Variants in RTN4RL2 observed in about 807,000 individuals in gnomAD.
The protein encoded by RTN4RL2 is reticulon 4 receptor like 2.
A neutral mutation model predicts 27.8 loss-of-function variants in RTN4RL2; 9 were observed. The observed-to-expected ratio is 0.32, with a 90% CI of 0.20 to 0.57. RTN4RL2 has a LOEUF of 0.57. Among genes scored for constraint, RTN4RL2 ranks in the 20% least tolerant of loss-of-function variants. The pLI is 0.90. For synonymous variants in RTN4RL2, 285 were observed against 297.9 expected (o/e 0.96, Z 0.45); for missense variants, 436 against 596.8 (o/e 0.73, Z 2.81).
Position 57,476,857 on chromosome 11 carries a change from C to G in RTN4RL2, c.1209C>G (p.Ala403=). 5.1e-6 allele frequency: 8 copies of G among 1,574,630 alleles called. No homozygotes were observed. Among genetic ancestry groups the G allele is most frequent in the Non-Finnish European group, 6.9e-6 (8 of 1,166,470 alleles). The part of the protein sequence containing the change: ...PPDSRGPALS[A]GLPSPLLCLL... ...ACTCCCGAGGCCCTGCGCTCTCGGC[C>G]GGGCTCCCCAGCCCTCTGCTTTGCC... Residue 403 remains alanine, a synonymous_variant, in exon 3 of 3, where the codon GCC becomes GCG. Transcript: ENST00000335099. This position sits in a 1 kb window ranked among gnomAD's most constrained non-coding sequence, Gnocchi z 8.2.
At chr11:57,470,346 C>T (rs1347609627) in intron 2 of RTN4RL2, among the ~76,000 whole-genome samples, 1 of 152,108 alleles carries the variant, frequency 6.6e-6, no homozygotes, top group East Asian at 1.9e-4. Flanking sequence ...CTCCCAGGCT[C>T]AAGTGATTTT....
rs1943602694 is a variant in RTN4RL2 at position 57,477,036 on chromosome 11, C to A, written c.*125C>A. On this transcript the variant is annotated 3_prime_UTR_variant, in exon 3 of 3. Coordinates refer to ENST00000335099, the MANE Select transcript of RTN4RL2 (RefSeq NM_178570.3). Reference sequence around the variant, plus strand: ...CTGCCTCCCTTTCCCCTCCCAGCTCCTCTCCTCCCCGGGGAGCAGGCCGCC... The same window carrying A: ...CTGCCTCCCTTTCCCCTCCCAGCTCATCTCCTCCCCGGGGAGCAGGCCGCC... 1 of 995,404 alleles carries A rather than the reference C, an allele frequency of 1.0e-6. No individual in the cohort carries two copies. The highest frequency in any genetic ancestry group is 1.7e-5 in the African/African-American group (1 of 58,412). 61.7% of individuals were successfully genotyped at this position (995,404 alleles called of 1,614,324 possible).
rs76890569 is a variant in RTN4RL2, at chr11:57,463,965, C to T, written c.31+3069C>T. 6.3e-3 allele frequency among the ~76,000 whole-genome samples: 952 copies of T among 152,306 alleles called. 12 individuals are homozygous for T. The highest frequency in any genetic ancestry group is 0.022 in the African/African-American group (903 of 41,554). On this transcript the variant is annotated intron_variant, in intron 1 of 2. Transcript: ENST00000335099. ...CCTCCTCCTTGCCTCCAGTGAGAGC[C>T]GCTGCGTGAATTATGGATGAGCTCC...
At chr11:57,475,341 A>G (rs760169735) in intron 2 of RTN4RL2, among the ~76,000 whole-genome samples, 13 of 152,044 alleles carry the variant, frequency 8.6e-5, no homozygotes, top group Non-Finnish European at 1.3e-4. Flanking sequence ...GGGCTTCATA[A>G]TTGGACCAAA....
rs1475614746 is a variant in RTN4RL2, at chr11:57,476,808, G to A, written c.1160G>A (p.Gly387Asp). ...EDQRGEQMCP[G>D]AACQAPPDSR... ...CAGCGAGGGGAGCAGATGTGCCCCG[G>A]CGCTGCCTGCCAGGCGCCCCCGGAC... The change falls in exon 3 of 3, where the codon GGC becomes GAC. Residue 387 changes from glycine (G) to aspartate (D), a missense_variant. By Grantham distance (94) the Gly-to-Asp change is moderately conservative. Coordinates refer to ENST00000335099, the MANE Select transcript of RTN4RL2 (RefSeq NM_178570.3). This position sits in a 1 kb window ranked among gnomAD's most constrained non-coding sequence, Gnocchi z 8.2. 1.3e-6 allele frequency: 2 copies of A among 1,541,828 alleles called. No individual in the cohort carries two copies. Among genetic ancestry groups the A allele is most frequent in the Admixed American group, 3.9e-5 (2 of 51,202 alleles).
At chr11:57,474,773 T>C (rs1187258134) in intron 2 of RTN4RL2, among the ~76,000 whole-genome samples, 1 of 152,218 alleles carries the variant, frequency 6.6e-6, no homozygotes, top group Non-Finnish European at 1.5e-5. Flanking sequence ...GAGCTGGTTA[T>C]AATGCAGAGT....
At position 57,476,620 on chromosome 11, in the gene RTN4RL2, C is replaced by A. The variant is rs112884577; in HGVS notation, c.972C>A (p.Gly324=). 4 of 1,416,880 alleles carry A rather than the reference C, an allele frequency of 2.8e-6. No individual in the cohort carries two copies. Among genetic ancestry groups the A allele is most frequent in the Non-Finnish European group, 3.7e-6 (4 of 1,093,240 alleles). The allele number at this position is 1,416,880 out of a possible 1,614,324, so 87.8% of individuals were successfully genotyped here. The change falls in exon 3 of 3, where the codon GGC becomes GGA. Residue 324 remains glycine, a synonymous_variant. Coordinates refer to ENST00000335099, the MANE Select transcript of RTN4RL2 (RefSeq NM_178570.3). This position sits in a 1 kb window ranked among gnomAD's most constrained non-coding sequence, Gnocchi z 8.2. ...APTRPGSRAR[G]NSSSNHLYGV... is the part of the protein sequence containing the mutation. ...CGCGGCCGGGCAGCCGCGCCCGCGGCAACAGCTCCTCCAACCACCTGTACG... is the reference window on the plus strand; with the variant it reads ...CGCGGCCGGGCAGCCGCGCCCGCGGAAACAGCTCCTCCAACCACCTGTACG...
chr11:57,468,850 T>C, intron 2 of RTN4RL2: 2 of 945,302 alleles, frequency 2.1e-6, no homozygotes, highest in East Asian at 2.6e-5. Context: ...CAGTAATTGT[T>C]ATTCATTGTT....
chr11:57,476,604 G>A lies in RTN4RL2; in HGVS notation c.956G>A (p.Gly319Asp), dbSNP rs754348274. 41 of 1,402,904 alleles carry A rather than the reference G, an allele frequency of 2.9e-5. No homozygotes were observed. Among genetic ancestry groups the A allele is most frequent in the Non-Finnish European group, 3.8e-5 (41 of 1,085,476 alleles). The allele number at this position is 1,402,904 out of a possible 1,614,324, so 86.9% of individuals were successfully genotyped here. The change falls in exon 3 of 3, where the codon GGC becomes GAC. Residue 319 changes from glycine (G) to aspartate (D), a missense_variant. Physicochemically the swap from Gly to Asp is moderately conservative, Grantham distance 94 (BLOSUM62 -1). This residue lies in a region of RTN4RL2 where 365 missense variants were observed against 530.5 expected (regional missense o/e 0.69). Transcript: ENST00000335099. This position sits in a 1 kb window ranked among gnomAD's most constrained non-coding sequence, Gnocchi z 8.2. The stretch of plus-strand genomic sequence containing the variant: ...CCGCCCGCGGCACCCACGCGGCCGG[G>A]CAGCCGCGCCCGCGGCAACAGCTCC... ...ACPPAAPTRP[G>D]SRARGNSSSN... is the part of the protein sequence containing the mutation.
Position 57,476,761 on chromosome 11 carries a change from G to C in RTN4RL2, c.1113G>C (p.Trp371Cys). The change falls in exon 3 of 3, where the codon TGG (tryptophan) becomes TGC (cysteine). Residue 371 changes from tryptophan (W) to cysteine (C), a missense_variant. Around this residue, in one of 3 missense-constraint regions of RTN4RL2, gnomAD observed 60 missense variants for 43.0 expected, o/e 1.40. Transcript: ENST00000335099. The surrounding 1 kb of genome is among the most constrained non-coding windows in gnomAD (Gnocchi z 8.2). The stretch of plus-strand genomic sequence containing the variant: ...ACGCGCCTACTGAGGACGACTACTG[G>C]GGGGGCTACGGGGGTGAGGACCAGC... ...GGDAPTEDDY[W>C]GGYGGEDQRG... 1 of 1,470,628 alleles carries C rather than the reference G, an allele frequency of 6.8e-7. No homozygotes were observed. The highest frequency in any genetic ancestry group is 8.9e-7 in the Non-Finnish European group (1 of 1,118,382). The allele number at this position is 1,470,628 out of a possible 1,614,324, so 91.1% of individuals were successfully genotyped here. A position where few individuals can be genotyped will look rare whatever the true frequency, so the allele number is the denominator to read the frequency against.
chr11:57,467,898 C>G lies in RTN4RL2; in HGVS notation c.321C>G (p.Ala107=), dbSNP rs77129953. 15,959 of 1,614,086 alleles carry G rather than the reference C, an allele frequency of 9.9e-3. 87 individuals are homozygous for G. Among genetic ancestry groups the G allele is most frequent in the Non-Finnish European group, 0.012 (13,589 of 1,179,968 alleles). Residue 107 remains alanine (A), a synonymous_variant, in exon 2 of 3, where the codon GCC becomes GCG. Transcript: ENST00000335099. The surrounding 1 kb of genome is among the most constrained non-coding windows in gnomAD (Gnocchi z 5.5). ...IYPGTFRHLQ[A]LEELDLGDNR... is the part of the protein sequence containing the mutation. ...CGGGCACTTTCCGCCACTTGCAAGC[C>G]CTGGAGGAGCTGGACCTCGGTGACA... is the stretch of plus-strand genomic sequence containing the variant.
rs1943595262 is a variant in RTN4RL2 at position 57,476,354 on chromosome 11, A to G, written c.706A>G (p.Asn236Asp). 8.1e-6 allele frequency: 13 copies of G among 1,611,338 alleles called. No individual in the cohort carries two copies. The highest frequency in any genetic ancestry group is 1.0e-5 in the Non-Finnish European group (12 of 1,179,466). The change falls in exon 3 of 3, where the codon AAC becomes GAC. Residue 236 changes from asparagine (N) to aspartate (D), a missense_variant. Around this residue, in one of 3 missense-constraint regions of RTN4RL2, gnomAD observed 365 missense variants for 530.5 expected, o/e 0.69. Coordinates refer to ENST00000335099, the MANE Select transcript of RTN4RL2 (RefSeq NM_178570.3). This position sits in a 1 kb window ranked among gnomAD's most constrained non-coding sequence, Gnocchi z 8.2. ...LSRLTILYLFNNSLASLPGEA... is the reference protein window; with the variant it reads ...LSRLTILYLFDNSLASLPGEA... ...CCGCCTCACCATCCTCTACCTGTTC[A>G]ACAACAGCCTGGCCTCGCTGCCCGG...
intron 2 of RTN4RL2, among the ~76,000 whole-genome samples, chr11:57,469,059 C>G (rs995218277): frequency 6.6e-6 from 1 of 152,134 alleles, no homozygotes; most frequent in African/African-American, 2.4e-5. Context: ...GAACCTGGAA[C>G]GTGCTTCCTC....
intron 1 of RTN4RL2, among the ~76,000 whole-genome samples, chr11:57,461,564 A>G (rs1025114670): frequency 6.6e-6 from 1 of 151,462 alleles, no homozygotes; most frequent in Non-Finnish European, 1.5e-5. Flanking sequence ...TAAAGGTTAG[A>G]TGGGAAAAGC....
chr11:57,468,839 C>A, intron 2 of RTN4RL2: 5 of 1,030,020 alleles, frequency 4.9e-6, no homozygotes, highest in Non-Finnish European at 7.3e-6. Flanking sequence ...GGAAGGAATA[C>A]CAGTAATTGT....
At chr11:57,463,997 T>C (rs1439265217) in intron 1 of RTN4RL2, among the ~76,000 whole-genome samples, 2 of 152,238 alleles carry the variant, frequency 1.3e-5, no homozygotes, top group Non-Finnish European at 2.9e-5. Context: ...CTCCTTGGGT[T>C]ACAGCTGCTT....
chr11:57,461,639 G>A (rs1943486476), intron 1 of RTN4RL2, among the ~76,000 whole-genome samples: 1 of 151,966 alleles, frequency 6.6e-6, no homozygotes, highest in South Asian at 2.1e-4. Context: ...ACCAGATCAG[G>A]GGAGGGATGG....
intron 2 of RTN4RL2, among the ~76,000 whole-genome samples, chr11:57,472,530 T>C (rs974811401): frequency 6.6e-6 from 1 of 152,166 alleles, no homozygotes; most frequent in Non-Finnish European, 1.5e-5. Context: ...GGTTTAAAAA[T>C]AGTCTTTATG....
chr11:57,476,853 C>T lies in RTN4RL2; in HGVS notation c.1205C>T (p.Ser402Leu), dbSNP rs1160155516. The change falls in exon 3 of 3, where the codon TCG becomes TTG. Residue 402 changes from serine (S) to leucine (L), a missense_variant. Transcript: ENST00000335099. The surrounding 1 kb of genome is among the most constrained non-coding windows in gnomAD (Gnocchi z 8.2). ...APPDSRGPAL[S>L]AGLPSPLLCL... ...CCGGACTCCCGAGGCCCTGCGCTCT[C>T]GGCCGGGCTCCCCAGCCCTCTGCTT... 1 of 1,573,422 alleles carries T rather than the reference C, an allele frequency of 6.4e-7. No individual in the cohort carries two copies. Among genetic ancestry groups the T allele is most frequent in the Non-Finnish European group, 8.6e-7 (1 of 1,165,806 alleles).
Sources: gnomAD v4.1 joint callset for allele counts (sites outside exome capture counted in the v4.1 genomes callset) on GRCh38, gnomAD v4.1.1 for gene constraint, gnomAD v4.1.1 regional missense constraint, Gnocchi (gnomAD v3.1) non-coding constraint, MANE v1.5 for transcripts, NCBI Gene and HGNC (gene_info 2026-07-23, HGNC 2026-07-21) for gene names.